The following LIN54 variants were observed in gnomAD, a reference collection of about 807,000 sequenced individuals.
LIN54 encodes the protein lin-54 DREAM MuvB core complex component.
Under a neutral mutation model 78.7 loss-of-function variants are expected in LIN54, and 9 were observed. That is an observed-to-expected ratio of 0.11 (90% CI 0.07 to 0.20). The LOEUF (loss-of-function observed/expected upper bound fraction) is 0.20. Ranked by LOEUF, LIN54 falls within the 10% of genes least tolerant of loss-of-function variation. The pLI is 1.00. For synonymous variants in LIN54, 269 were observed against 318.4 expected (o/e 0.84, Z 1.65); for missense variants, 573 against 889.9 (o/e 0.64, Z 4.53).
intron 1 of LIN54, among the ~76,000 whole-genome samples, chr4:83,001,581 C>T (rs1728775007): frequency 6.6e-6 from 1 of 151,336 alleles, no homozygotes; most frequent in African/African-American, 2.4e-5. Context: ...CGCAGTGGCT[C>T]ACGCCTGTAA....
intron 1 of LIN54, among the ~76,000 whole-genome samples, chr4:82,996,617 G>A (rs1728240345): frequency 6.6e-6 from 1 of 151,890 alleles, no homozygotes; most frequent in African/African-American, 2.4e-5. Flanking sequence ...TGTTGGCCAG[G>A]CTGGTCTCGA....
chr4:82,960,374 A>G (rs1724687241), intron 4 of LIN54, among the ~76,000 whole-genome samples: 2 of 151,254 alleles, frequency 1.3e-5, no homozygotes, highest in African/African-American at 4.9e-5. Flanking sequence ...GGCCTCTCAC[A>G]ATCCTGCCAC....
At chr4:82,998,610 A>G (rs1728464579) in intron 1 of LIN54, among the ~76,000 whole-genome samples, 1 of 152,004 alleles carries the variant, frequency 6.6e-6, no homozygotes, top group Non-Finnish European at 1.5e-5. Context: ...AAGAGAAGAG[A>G]GAAAGAAGAG....
At chr4:82,929,243 T>C (rs1049214045) in intron 12 of LIN54, among the ~76,000 whole-genome samples, 10 of 152,222 alleles carry the variant, frequency 6.6e-5, no homozygotes, top group Admixed American at 2.6e-4. Flanking sequence ...CATAACTTTT[T>C]TTATACAAGT....
intron 11 of LIN54, among the ~76,000 whole-genome samples, chr4:82,933,991 GTA>G (rs1722181692): frequency 6.6e-6 from 1 of 152,134 alleles, no homozygotes; most frequent in Non-Finnish European, 1.5e-5. Context: ...GACAATTTTT[GTA>G]TGATATGGCT....
intron 2 of LIN54, 101 bp from the exon 3 acceptor site, chr4:82,979,107 A>G (rs7674484): frequency 1 from 779,796 of 780,796 alleles, 389,401 homozygotes; most frequent in South Asian, 1. Context: ...ATGTAAAACC[A>G]GCTCACTTAA....
upstream of LIN54, among the ~76,000 whole-genome samples, chr4:83,011,654 T>C (rs1729859639): frequency 6.6e-6 from 1 of 152,112 alleles, no homozygotes; most frequent in Admixed American, 6.6e-5. Context: ...ACAGCTTGCT[T>C]CAGAACAAGA....
chr4:83,001,954 G>A (rs779737897), intron 1 of LIN54, among the ~76,000 whole-genome samples: 17,803 of 69,490 alleles, frequency 0.26, 8,751 homozygotes, highest in Non-Finnish European at 0.35. Context: ...AAGGAAGGAA[G>A]GAAGGAAGGA....
chr4:82,964,982 A>G (rs1725090173), intron 4 of LIN54, among the ~76,000 whole-genome samples: 1 of 152,184 alleles, frequency 6.6e-6, no homozygotes, highest in Non-Finnish European at 1.5e-5. Flanking sequence ...TGGGCAACAG[A>G]GGTGAGAGTC....
chr4:82,985,985 A>G (rs535981822), intron 1 of LIN54, among the ~76,000 whole-genome samples: 2 of 152,370 alleles, frequency 1.3e-5, no homozygotes, highest in South Asian at 4.1e-4. Flanking sequence ...AGAACTTCCA[A>G]TAAAGGAATC....
At chr4:82,974,602 T>C (rs1725995020) in intron 3 of LIN54, among the ~76,000 whole-genome samples, 1 of 151,998 alleles carries the variant, frequency 6.6e-6, no homozygotes, top group African/African-American at 2.4e-5. Context: ...CCGGGCGTGA[T>C]GGCACACACC....
Position 82,927,814 on chromosome 4 carries a change from CA to C in LIN54, c.*287del, listed in dbSNP as rs1468662484. On this transcript the variant is annotated 3_prime_UTR_variant, in exon 13 of 13. Transcript: ENST00000340417. ...ATATGAATTTATAAACATTTTTTGT[CA>C]AAGGTATCAGAAAGAGAACATCTAA... 1 of 284,976 alleles carries C rather than the reference CA, an allele frequency of 3.5e-6. No homozygotes were observed. The highest frequency in any genetic ancestry group is 6.2e-6 in the Non-Finnish European group (1 of 162,412). The allele number at this position is 284,976 out of a possible 1,614,324, so 17.7% of individuals were successfully genotyped here.
intron 3 of LIN54, among the ~76,000 whole-genome samples, chr4:82,974,918 G>A (rs937358703): frequency 6.6e-6 from 1 of 151,584 alleles, no homozygotes; most frequent in African/African-American, 2.4e-5. Context: ...CCGGAAGCTG[G>A]ATTGGGGAAG....
intron 1 of LIN54, among the ~76,000 whole-genome samples, chr4:83,000,828 T>TTTTTTTCTTTTTTTC (rs1319323035): frequency 7.5e-4 from 2 of 2,676 alleles, no homozygotes; most frequent in African/African-American, 2.2e-3. Context: ...CAATAAATTC[T>TTTTTTTCTTTTTTTC]TTTTTTTTTT....
At chr4:82,972,201 C>T (rs1012287569) in intron 3 of LIN54, among the ~76,000 whole-genome samples, 9 of 151,998 alleles carry the variant, frequency 5.9e-5, no homozygotes, top group South Asian at 4.1e-4. Flanking sequence ...ACCACAGGCA[C>T]GTGCCACCAT....
intron 3 of LIN54, among the ~76,000 whole-genome samples, chr4:82,972,091 G>A (rs1417780842): frequency 6.6e-6 from 1 of 152,180 alleles, no homozygotes; most frequent in East Asian, 1.9e-4. Flanking sequence ...GTCTCCCTCA[G>A]TCACCCAGGC....
At chr4:82,942,856 GCGCGCACACACACACACA>G (rs772680647) in intron 5 of LIN54, among the ~76,000 whole-genome samples, 7 of 147,366 alleles carry the variant, frequency 4.8e-5, no homozygotes, top group Non-Finnish European at 7.5e-5. Flanking sequence ...GTGCGTGTGC[GCGCGCACACACACACACA>G]CACACACACA....
At chr4:82,979,946 A>C (rs1726493183) in intron 2 of LIN54, among the ~76,000 whole-genome samples, 2 of 90,370 alleles carry the variant, frequency 2.2e-5, no homozygotes. Flanking sequence ...TCTCAAAAAA[A>C]AAAAAAAAAA....
intron 1 of LIN54, among the ~76,000 whole-genome samples, chr4:83,006,136 G>A (rs1454905431): frequency 2.0e-5 from 2 of 99,150 alleles, no homozygotes; most frequent in East Asian, 2.4e-4. Context: ...TACTGGGGAC[G>A]TAGGGAGGGG....
Sources: allele counts gnomAD v4.1 joint callset (sites outside exome capture counted in the v4.1 genomes callset), GRCh38; gene constraint gnomAD v4.1.1; transcripts MANE v1.5; gene names NCBI Gene and HGNC (gene_info 2026-07-23, HGNC 2026-07-21).